LMNB2: variants seen among roughly 807,000 people sequenced by gnomAD.
LMNB2 encodes the protein lamin-B2.
A neutral mutation model predicts 69.3 loss-of-function variants in LMNB2; 17 were observed. The ratio of observed to expected loss-of-function variants is 0.25; its 90% CI spans 0.17 to 0.37. The LOEUF (loss-of-function observed/expected upper bound fraction) is 0.37, where lower values mean the gene tolerates loss of function less well. Among genes scored for constraint, LMNB2 ranks in the 10% least tolerant of loss-of-function variants. LMNB2 has a pLI of 1.00. For missense variants in LMNB2, 789 were observed against 883.6 expected (o/e 0.89, Z 1.36); for synonymous variants, 397 against 389.3 (o/e 1.02, Z -0.23).
In LMNB2 at chr19:2,447,912, C is replaced by A. The variant is rs1971975582; in HGVS notation, c.265-3372G>T. ...GCACCGCAGCTCCAAGTCCCGTCAG[C>A]CTACAGTGGGGCGGGATAAGGGTTC... On this transcript the variant is annotated intron_variant, in intron 1 of 11. Transcript: ENST00000325327. This position sits in a 1 kb window ranked among gnomAD's most constrained non-coding sequence, Gnocchi z 4.4. Among the ~76,000 whole-genome samples, 1 of 152,196 alleles carries A rather than the reference C, an allele frequency of 6.6e-6. No homozygotes were observed. Among genetic ancestry groups the A allele is most frequent in the East Asian group, 1.9e-4 (1 of 5,204 alleles).
At position 2,453,561 on chromosome 19, in the gene LMNB2, G is replaced by GCCACA. The variant is rs1972054374; in HGVS notation, c.264+3108_264+3109insTGTGG. On this transcript the variant is annotated intron_variant, in intron 1 of 11. Transcript: ENST00000325327. This position sits in a 1 kb window ranked among gnomAD's most constrained non-coding sequence, Gnocchi z 4.4. Reference sequence around the variant, plus strand: ...AACTCCCAGCTGTCCCCTGCCACATGCCCTGCAGACACGGCTGGGTGACAG... The same window carrying GCCACA: ...AACTCCCAGCTGTCCCCTGCCACATGCCACACCCTGCAGACACGGCTGGGTGACAG... Among the ~76,000 whole-genome samples, 1 of 152,126 alleles carries GCCACA rather than the reference G, an allele frequency of 6.6e-6. No individual in the cohort carries two copies. The highest frequency in any genetic ancestry group is 1.5e-5 in the Non-Finnish European group (1 of 68,018).
Position 2,447,591 on chromosome 19 carries a change from G to A in LMNB2, c.265-3051C>T, listed in dbSNP as rs1158728201. Among the ~76,000 whole-genome samples the A allele has an allele frequency of 6.6e-6, 1 of 152,204 alleles. No homozygotes were observed. The highest frequency in any genetic ancestry group is 1.9e-4 in the East Asian group (1 of 5,208). Reference sequence around the variant, plus strand: ...TTAACTGCTCCGGCTCTGGCGCTGAGGAAAAGGAGGACCGGAGGATGGTAG... The same window carrying A: ...TTAACTGCTCCGGCTCTGGCGCTGAAGAAAAGGAGGACCGGAGGATGGTAG... On this transcript the variant is annotated intron_variant, in intron 1 of 11. Coordinates refer to ENST00000325327, the MANE Select transcript of LMNB2 (RefSeq NM_032737.4). The surrounding 1 kb of genome is among the most constrained non-coding windows in gnomAD (Gnocchi z 4.4).
chr19:2,455,516 G>A (rs1037434238), intron 1 of LMNB2, among the ~76,000 whole-genome samples: 16 of 152,052 alleles, frequency 1.1e-4, no homozygotes, highest in Admixed American at 8.5e-4. Context: ...CCTCTCTTTG[G>A]TGGGGAGCCC....
Position 2,430,901 on chromosome 19 carries a change from G to T in LMNB2, c.*10C>A. On this transcript the variant is annotated 3_prime_UTR_variant, in exon 12 of 12. Transcript: ENST00000325327. ...GGGTAAAGAAAGGTGTGTGGATGAG[G>T]AGTGTGGGTTCACATCACGTAGCAG... 2.6e-6 allele frequency: 4 copies of T among 1,552,262 alleles called. No individual in the cohort carries two copies. Among genetic ancestry groups the T allele is most frequent in the Non-Finnish European group, 3.6e-6 (4 of 1,123,684 alleles).
chr19:2,431,594 T>C lies in LMNB2; in HGVS notation c.1775A>G (p.Glu592Gly). 4 of 1,614,122 alleles carry C rather than the reference T, an allele frequency of 2.5e-6. No homozygotes were observed. Among genetic ancestry groups the C allele is most frequent in the Non-Finnish European group, 3.4e-6 (4 of 1,179,976 alleles). ...CTCGCCAAACTCGGCTTCCTCCTCC[T>C]CTTCCTCCCCATTCTCATTCTCACG... is the stretch of plus-strand genomic sequence containing the variant. ...VMRENENGEE[E>G]EEEAEFGEED... Residue 592 changes from glutamate (E) to glycine (G), a missense_variant, in exon 11 of 12, where the codon GAG becomes GGG. Coordinates refer to ENST00000325327, the MANE Select transcript of LMNB2 (RefSeq NM_032737.4).
intron 2 of LMNB2, among the ~76,000 whole-genome samples, chr19:2,438,953 C>T (rs1342193445): frequency 2.0e-5 from 3 of 150,928 alleles, no homozygotes; most frequent in African/African-American, 7.3e-5. Flanking sequence ...CAAATTAGCT[C>T]CAACATTAGA....
Position 2,431,817 on chromosome 19 carries a change from C to G in LMNB2, c.1676G>C (p.Ser559Thr), listed in dbSNP as rs753113068. Reference protein sequence around the residue: ...KGQSSWGTGESFRTVLVNADG... With the variant: ...KGQSSWGTGETFRTVLVNADG... ...CGCGTTAACCAGGACGGTGCGGAAG[C>G]TCTCGCCCGTGCCCCAGCTGCTCTG... Residue 559 changes from serine (S) to threonine (T), a missense_variant, in exon 10 of 12, where the codon AGC becomes ACC. Transcript: ENST00000325327. 2 of 1,613,658 alleles carry G rather than the reference C, an allele frequency of 1.2e-6. No homozygotes were observed. The highest frequency in any genetic ancestry group is 1.7e-6 in the Non-Finnish European group (2 of 1,179,926).
At chr19:2,450,020 A>T (rs1441194285) in intron 1 of LMNB2, among the ~76,000 whole-genome samples, 1 of 152,112 alleles carries the variant, frequency 6.6e-6, no homozygotes, top group Admixed American at 6.6e-5. Context: ...GGTTGTGGTG[A>T]GCCAAGATCA....
At chr19:2,433,034 A>G (rs112744777) in intron 8 of LMNB2, among the ~76,000 whole-genome samples, 227 of 31,578 alleles carry the variant, frequency 7.2e-3, no homozygotes, top group African/African-American at 0.012. Context: ...CCTGACCCTG[A>G]TCACCCCCAT....
intron 9 of LMNB2, 58 bp downstream of exon 9, chr19:2,432,358 C>T: frequency 7.4e-7 from 1 of 1,353,168 alleles, no homozygotes; most frequent in South Asian, 1.2e-5. Flanking sequence ...CTCCAGTCCC[C>T]TGACCCCACC....
chr19:2,444,289 CT>C, intron 2 of LMNB2, 114 bp downstream of exon 2: 1 of 1,262,172 alleles, frequency 7.9e-7, no homozygotes. Context: ...GAGCTGTGAG[CT>C]CCAGGCTGTG....
At position 2,443,201 on chromosome 19, in the gene LMNB2, C is replaced by A. The variant is rs1375636563; in HGVS notation, c.401+1203G>T. Among the ~76,000 whole-genome samples the A allele has an allele frequency of 6.6e-6, 1 of 152,162 alleles. No homozygotes were observed. The highest frequency in any genetic ancestry group is 6.5e-5 in the Admixed American group (1 of 15,276). On this transcript the variant is annotated intron_variant, in intron 2 of 11. Transcript: ENST00000325327. This position sits in a 1 kb window ranked among gnomAD's most constrained non-coding sequence, Gnocchi z 6.2. ...CCCAGGGTCCCCGGCTCATGGCCAC[C>A]ATCAGGGCACAAATGGTCCCTCCTG...
intron 11 of LMNB2, among the ~76,000 whole-genome samples, chr19:2,431,196 G>A (rs1038280431): frequency 6.6e-6 from 1 of 152,222 alleles, no homozygotes; most frequent in Non-Finnish European, 1.5e-5. Context: ...TGTGGTTTCT[G>A]CACTCATCTT....
chr19:2,442,210 C>T (rs1971907165), intron 2 of LMNB2, among the ~76,000 whole-genome samples: 1 of 152,124 alleles, frequency 6.6e-6, no homozygotes, highest in Admixed American at 6.6e-5. Flanking sequence ...ATACCCAGTG[C>T]TTTGGGAGGC....
At position 2,454,292 on chromosome 19, in the gene LMNB2, C is replaced by CAAAA. The variant is rs58800585; in HGVS notation, c.264+2374_264+2377dup. ...TGGACGACGGAGCGAGACTCTATCTCAAAAAAAAAAAAAAAAAAAAAGAAA... is the reference window on the plus strand; with the variant it reads ...TGGACGACGGAGCGAGACTCTATCTCAAAAAAAAAAAAAAAAAAAAAAAAAGAAA... On this transcript the variant is annotated intron_variant, in intron 1 of 11. Transcript: ENST00000325327. Among the ~76,000 whole-genome samples, 159 of 80,718 alleles carry CAAAA rather than the reference C, an allele frequency of 2.0e-3. 2 individuals are homozygous for CAAAA. Among genetic ancestry groups the CAAAA allele is most frequent in the African/African-American group, 6.3e-3 (140 of 22,372 alleles). 53.0% of individuals were successfully genotyped at this position (80,718 alleles called of 152,430 possible). A position where few individuals can be genotyped will look rare whatever the true frequency, so the allele number is the denominator to read the frequency against.
intron 2 of LMNB2, among the ~76,000 whole-genome samples, chr19:2,438,907 C>G (rs34107637): frequency 0.031 from 4,651 of 152,276 alleles, 260 homozygotes; most frequent in African/African-American, 0.11. Context: ...TAAACTTAAG[C>G]TGTCTGAAGC....
Position 2,429,113 on chromosome 19 carries a change from T to C in LMNB2, c.*1798A>G, listed in dbSNP as rs1478564210. ...TTTGCTCCTCCAGAGCCAAAATACA[T>C]AGGATGTGGCTGAGACCACTGCAGA... On this transcript the variant is annotated 3_prime_UTR_variant, in exon 12 of 12. Transcript: ENST00000325327. 4.6e-5 allele frequency: 7 copies of C among 152,078 alleles called. No individual in the cohort carries two copies. The highest frequency in any genetic ancestry group is 2.1e-4 in the South Asian group (1 of 4,824). The allele number at this position is 152,078 out of a possible 1,614,324, so 9.4% of individuals were successfully genotyped here. A position where few individuals can be genotyped will look rare whatever the true frequency, so the allele number is the denominator to read the frequency against.
intron 1 of LMNB2, among the ~76,000 whole-genome samples, chr19:2,448,663 C>T (rs12460857): frequency 0.22 from 32,744 of 151,860 alleles, 3,695 homozygotes; most frequent in East Asian, 0.34. Context: ...CTTGTTAACA[C>T]GGTGAAACCC....
chr19:2,445,022 G>A (rs941043328), intron 1 of LMNB2, among the ~76,000 whole-genome samples: 9 of 152,266 alleles, frequency 5.9e-5, no homozygotes, highest in Middle Eastern at 6.8e-3. Context: ...TCACACTCTC[G>A]GTTTCAGAAC....
Sources: gnomAD v4.1 joint callset for allele counts (sites outside exome capture counted in the v4.1 genomes callset) on GRCh38, gnomAD v4.1.1 for gene constraint, Gnocchi (gnomAD v3.1) non-coding constraint, MANE v1.5 for transcripts, NCBI Gene and HGNC (gene_info 2026-07-23, HGNC 2026-07-21) for gene names.